GALNT17: variants seen among roughly 807,000 people sequenced by gnomAD.
GALNT17 encodes UDP-GalNAc:polypeptide N-acetylgalactosaminyltransferase-like 3.
In GALNT17, 29 loss-of-function variants were observed where a neutral mutation model predicts 63.7. The ratio of observed to expected loss-of-function variants is 0.46; its 90% CI spans 0.34 to 0.62. The LOEUF (loss-of-function observed/expected upper bound fraction) is 0.62, where lower values mean the gene tolerates loss of function less well. Among genes scored for constraint, GALNT17 ranks in the 20% least tolerant of loss-of-function variants. The pLI is 0.01. For missense variants in GALNT17, 603 were observed against 799.6 expected, an observed-to-expected ratio of 0.75 and a Z score of 2.97; for synonymous variants, 305 against 318.3, an observed-to-expected ratio of 0.96 and a Z score of 0.45.
At chr7:71,568,523 C>T (rs1371327624) in intron 5 of GALNT17, among the ~76,000 whole-genome samples, 4 of 152,304 alleles carry the variant, frequency 2.6e-5, no homozygotes, top group African/African-American at 9.6e-5. Context: ...CCTTAAACAT[C>T]TTTATCTCCA....
chr7:71,615,737 CA>C (rs1483875897), intron 6 of GALNT17, among the ~76,000 whole-genome samples: 1 of 152,140 alleles, frequency 6.6e-6, no homozygotes, highest in Non-Finnish European at 1.5e-5. Context: ...CTCGGCCTCC[CA>C]AAGTGCTGGG....
At chr7:71,489,273 G>A (rs548345260) in intron 5 of GALNT17, among the ~76,000 whole-genome samples, 1 of 152,088 alleles carries the variant, frequency 6.6e-6, no homozygotes, top group African/African-American at 2.4e-5. Flanking sequence ...CTTCAGATGG[G>A]TCAGCCGGAC....
chr7:71,641,345 G>A (rs549456890), intron 6 of GALNT17, among the ~76,000 whole-genome samples: 1 of 152,222 alleles, frequency 6.6e-6, no homozygotes, highest in South Asian at 2.1e-4. Context: ...TCTGTAACTC[G>A]GGAATTATAG....
intron 5 of GALNT17, among the ~76,000 whole-genome samples, chr7:71,504,222 A>ATC (rs1347719976): frequency 8.2e-5 from 12 of 147,096 alleles, no homozygotes; most frequent in South Asian, 2.2e-4. Flanking sequence ...GCGAGACTCC[A>ATC]TCTCAAAAAA....
intron 1 of GALNT17, among the ~76,000 whole-genome samples, chr7:71,159,895 C>T (rs1217224069): frequency 6.6e-6 from 1 of 151,738 alleles, no homozygotes; most frequent in Non-Finnish European, 1.5e-5. Context: ...AATTCTTCTG[C>T]CTCAGCCTCC....
chr7:71,247,579 C>T (rs1790122438), intron 1 of GALNT17, among the ~76,000 whole-genome samples: 1 of 152,176 alleles, frequency 6.6e-6, no homozygotes, highest in African/African-American at 2.4e-5. Context: ...GCCTCAGCCT[C>T]CCGAGCAGCT....
intron 1 of GALNT17, among the ~76,000 whole-genome samples, chr7:71,325,823 C>T (rs565785554): frequency 1.3e-5 from 2 of 152,184 alleles, no homozygotes; most frequent in African/African-American, 4.8e-5. Context: ...AAAAATGAGT[C>T]GTTGGCTTGC....
rs148864092 is a variant in GALNT17, at chr7:71,575,170, G to C, written c.1080+3768G>C. The stretch of plus-strand genomic sequence containing the variant: ...TTTTGTGCTATTTTGTACTACTTAG[G>C]GCTTGAATGAATTGCATAATAAATG... On this transcript the variant is annotated intron_variant, in intron 6 of 10. Coordinates refer to ENST00000333538, the MANE Select transcript of GALNT17 (RefSeq NM_022479.3). Among the ~76,000 whole-genome samples the C allele has an allele frequency of 6.6e-5, 10 of 152,064 alleles. No individual in the cohort carries two copies. In the East Asian group the frequency reaches 1.7e-3, roughly 26 times the overall value.
chr7:71,281,223 T>C (rs988691652), intron 1 of GALNT17, among the ~76,000 whole-genome samples: 1 of 152,166 alleles, frequency 6.6e-6, no homozygotes, highest in Non-Finnish European at 1.5e-5. Context: ...CTGGGCACTC[T>C]CTAGTCTAAG....
intron 1 of GALNT17, among the ~76,000 whole-genome samples, chr7:71,259,398 A>G (rs1790341877): frequency 6.6e-6 from 1 of 152,212 alleles, no homozygotes; most frequent in African/African-American, 2.4e-5. Flanking sequence ...GAAATTTGTT[A>G]AAGTATTATG....
Position 71,388,310 on chromosome 7 carries a change from G to A in GALNT17, c.498G>A (p.Ser166=), listed in dbSNP as rs377196007. The change falls in exon 3 of 11, where the codon TCG becomes TCA. Residue 166 remains serine (S), a synonymous_variant. Transcript: ENST00000333538. ...IIFIFVNEAL[S]VILRSVHSAV... ...TCATCTTCGTGAACGAGGCCCTGTC[G>A]GTGATCCTGCGGTCCGTGCACAGTG... The A allele has an allele frequency of 4.6e-5, 74 of 1,613,922 alleles. No homozygotes were observed. Among genetic ancestry groups the A allele is most frequent in the African/African-American group, 2.1e-4 (16 of 74,968 alleles).
intron 1 of GALNT17, among the ~76,000 whole-genome samples, chr7:71,148,856 ATT>A (rs58468895): frequency 0.013 from 1,259 of 100,406 alleles, 46 homozygotes; most frequent in African/African-American, 0.044. Context: ...GTATTATGGT[ATT>A]TTTATATATA....
intron 1 of GALNT17, among the ~76,000 whole-genome samples, chr7:71,136,428 G>A (rs981068888): frequency 6.6e-6 from 1 of 152,092 alleles, no homozygotes; most frequent in African/African-American, 2.4e-5. Flanking sequence ...AATCTTTCCC[G>A]TGGACTCCTG....
intron 9 of GALNT17, among the ~76,000 whole-genome samples, chr7:71,694,296 G>A (rs187843569): frequency 6.6e-6 from 1 of 151,914 alleles, no homozygotes; most frequent in Non-Finnish European, 1.5e-5. Flanking sequence ...GATTTGGGTG[G>A]GGACAGAGTC....
At chr7:71,453,112 C>A (rs1192727751) in intron 5 of GALNT17, among the ~76,000 whole-genome samples, 2 of 152,104 alleles carry the variant, frequency 1.3e-5, no homozygotes, top group Non-Finnish European at 2.9e-5. Flanking sequence ...GGCATAAGTA[C>A]CCTGCCTGGA....
chr7:71,278,476 C>T (rs1790720681), intron 1 of GALNT17, among the ~76,000 whole-genome samples: 1 of 152,212 alleles, frequency 6.6e-6, no homozygotes, highest in Admixed American at 6.5e-5. Context: ...TGGCTTGTAG[C>T]TGCATTACTC....
At chr7:71,388,451 A>G (rs1792990349) in intron 3 of GALNT17, 50 bp downstream of exon 3, 3 of 1,576,290 alleles carry the variant, frequency 1.9e-6, no homozygotes, top group East Asian at 2.3e-5. Flanking sequence ...GCAGGGGGAA[A>G]TGCCACTTTC....
chr7:71,362,360 A>T (rs1242558838), intron 2 of GALNT17, among the ~76,000 whole-genome samples: 2 of 152,084 alleles, frequency 1.3e-5, no homozygotes, highest in Non-Finnish European at 2.9e-5. Flanking sequence ...CAAAGACTAC[A>T]TTTCCCCCAA....
At chr7:71,250,028 A>T (rs1790167599) in intron 1 of GALNT17, among the ~76,000 whole-genome samples, 1 of 152,242 alleles carries the variant, frequency 6.6e-6, no homozygotes, top group African/African-American at 2.4e-5. Flanking sequence ...GTGTGAACAT[A>T]TGAGTTTTTA....
Sources: allele counts gnomAD v4.1 joint callset (sites outside exome capture counted in the v4.1 genomes callset), GRCh38; gene constraint gnomAD v4.1.1; transcripts MANE v1.5; gene names NCBI Gene and HGNC (gene_info 2026-07-23, HGNC 2026-07-21).